Variants in ITGBL1 observed in about 807,000 individuals in gnomAD.
The protein encoded by ITGBL1 is integrin subunit beta like 1.
In ITGBL1, 51 loss-of-function variants were observed where a neutral mutation model predicts 68.5. The observed-to-expected ratio is 0.74, with a 90% CI of 0.59 to 0.94. The LOEUF (loss-of-function observed/expected upper bound fraction) is 0.94. Among genes scored for constraint, ITGBL1 ranks in the 40% least tolerant of loss-of-function variants. The pLI, the probability that ITGBL1 is intolerant of heterozygous loss-of-function variation, is 0.00. For missense variants in ITGBL1, 649 were observed against 647.4 expected (o/e 1.00, Z -0.03); for synonymous variants, 209 against 227.3 (o/e 0.92, Z 0.72).
chr13:101,632,143 C>CTATA (rs1343579520), intron 7 of ITGBL1, among the ~76,000 whole-genome samples: 1 of 148,556 alleles, frequency 6.7e-6, no homozygotes, highest in African/African-American at 2.6e-5. Flanking sequence ...CTCTCTCTCT[C>CTATA]TCTCTCTATA....
chr13:101,461,631 G>T (rs2048319807), intron 2 of ITGBL1, among the ~76,000 whole-genome samples: 1 of 152,122 alleles, frequency 6.6e-6, no homozygotes, highest in Non-Finnish European at 1.5e-5. Context: ...GGAGATTGAG[G>T]CTGCAGTGAG....
At chr13:101,570,281 G>T (rs1017031654) in intron 3 of ITGBL1, among the ~76,000 whole-genome samples, 5 of 152,056 alleles carry the variant, frequency 3.3e-5, no homozygotes, top group Non-Finnish European at 7.4e-5. Context: ...TAGCTTTTGT[G>T]TTTTTGTGAC....
At chr13:101,490,089 C>T (rs978005154) in intron 2 of ITGBL1, 4 of 813,386 alleles carry the variant, frequency 4.9e-6, no homozygotes, top group African/African-American at 3.4e-5. Context: ...GAAATTCTAA[C>T]CCCCAGTGTG....
intron 8 of ITGBL1, among the ~76,000 whole-genome samples, chr13:101,705,371 C>T (rs2034238515): frequency 1.3e-5 from 2 of 151,500 alleles, no homozygotes; most frequent in African/African-American, 4.9e-5. Flanking sequence ...CTGCTTACCT[C>T]TCAGTGATCA....
chr13:101,689,208 G>A (rs1229574632), intron 7 of ITGBL1, among the ~76,000 whole-genome samples: 39 of 9,720 alleles, frequency 4.0e-3, no homozygotes, highest in Non-Finnish European at 5.7e-4. Flanking sequence ...GCAAGACTCT[G>A]CCTAAAAAAA....
At position 101,630,473 on chromosome 13, in the gene ITGBL1, A is replaced by G. The variant is rs112937141; in HGVS notation, c.1015+32174A>G. Among the ~76,000 whole-genome samples, 529 of 152,298 alleles carry G rather than the reference A, an allele frequency of 3.5e-3. 5 individuals are homozygous for G. The highest frequency in any genetic ancestry group is 0.012 in the African/African-American group (497 of 41,574). ...TGAATCTCTTAATTGATCTACCCAC[A>G]GAGCATGGTAAGTTGTTTCTAACTT... On this transcript the variant is annotated intron_variant, in intron 7 of 10. Coordinates refer to ENST00000376180, the MANE Select transcript of ITGBL1 (RefSeq NM_004791.3).
chr13:101,596,884 TGAAAA>T (rs2030004913), intron 6 of ITGBL1, among the ~76,000 whole-genome samples: 3 of 152,090 alleles, frequency 2.0e-5, no homozygotes, highest in Admixed American at 2.0e-4. Context: ...TGGAGGACAG[TGAAAA>T]GATCAGGTTG....
intron 2 of ITGBL1, among the ~76,000 whole-genome samples, chr13:101,463,711 G>C (rs1228494984): frequency 6.6e-6 from 1 of 151,928 alleles, no homozygotes; most frequent in African/African-American, 2.4e-5. Flanking sequence ...ATCCCAAATA[G>C]GTTGATCCCA....
At chr13:101,629,911 A>C (rs1594941117) in intron 7 of ITGBL1, among the ~76,000 whole-genome samples, 1 of 151,998 alleles carries the variant, frequency 6.6e-6, no homozygotes, top group East Asian at 1.9e-4. Flanking sequence ...CAACCTCTGC[A>C]TCCAAGGTTC....
chr13:101,505,024 G>A (rs969331588), intron 2 of ITGBL1, among the ~76,000 whole-genome samples: 2 of 152,136 alleles, frequency 1.3e-5, no homozygotes, highest in Admixed American at 6.6e-5. Context: ...ATACTGAGGC[G>A]TTTTGGGTGT....
intron 7 of ITGBL1, among the ~76,000 whole-genome samples, chr13:101,670,223 T>G (rs2139500338): frequency 6.6e-6 from 1 of 152,384 alleles, no homozygotes; most frequent in Non-Finnish European, 1.5e-5. Flanking sequence ...TCTTGTTTAC[T>G]TCTATGATAT....
At chr13:101,480,879 A>G (rs893509311) in intron 2 of ITGBL1, among the ~76,000 whole-genome samples, 2 of 151,910 alleles carry the variant, frequency 1.3e-5, no homozygotes, top group African/African-American at 4.8e-5. Context: ...CAAAATTTTA[A>G]GGTAGGATAT....
intron 7 of ITGBL1, among the ~76,000 whole-genome samples, chr13:101,665,763 A>T (rs1044707267): frequency 6.6e-6 from 1 of 152,198 alleles, no homozygotes; most frequent in African/African-American, 2.4e-5. Context: ...TACAAAAAAA[A>T]GTGGGGAATA....
intron 4 of ITGBL1, 101 bp from the exon 5 acceptor site, chr13:101,579,186 A>C: frequency 1.6e-6 from 2 of 1,223,192 alleles, no homozygotes; most frequent in East Asian, 4.7e-5. Flanking sequence ...GAGCTGTGAC[A>C]GTATTTCAGA....
At chr13:101,501,759 T>C (rs1464141336) in intron 2 of ITGBL1, among the ~76,000 whole-genome samples, 1 of 152,148 alleles carries the variant, frequency 6.6e-6, no homozygotes, top group Non-Finnish European at 1.5e-5. Flanking sequence ...ATGTTGATTG[T>C]TGTGTTCCCA....
At chr13:101,602,690 A>G (rs528653637) in intron 7 of ITGBL1, among the ~76,000 whole-genome samples, 4 of 152,098 alleles carry the variant, frequency 2.6e-5, no homozygotes, top group South Asian at 2.1e-4. Context: ...AAAGTTTATC[A>G]TCATAAAATA....
intron 2 of ITGBL1, among the ~76,000 whole-genome samples, chr13:101,496,970 A>G (rs981445045): frequency 5.9e-5 from 9 of 152,206 alleles, no homozygotes; most frequent in Non-Finnish European, 8.8e-5. Context: ...TCAGGCATGT[A>G]GATCATAGTA....
At chr13:101,581,121 T>C (rs2050450555) in intron 5 of ITGBL1, among the ~76,000 whole-genome samples, 1 of 152,168 alleles carries the variant, frequency 6.6e-6, no homozygotes, top group African/African-American at 2.4e-5. Flanking sequence ...TATCTTGTCT[T>C]CCTTTTTCCC....
In ITGBL1 at chr13:101,705,306, A is replaced by AC. The variant is rs1181291944; in HGVS notation, c.1133-1450_1133-1449insC. ...AATTTAAAAAGCAAAAAAAAAAAAA[A>AC]AAACAACAACAACAAAAAAAAATAG... is the stretch of plus-strand genomic sequence containing the variant. On this transcript the variant is annotated intron_variant, in intron 8 of 10. Transcript: ENST00000376180. Among the ~76,000 whole-genome samples, 651 of 149,122 alleles carry AC rather than the reference A, an allele frequency of 4.4e-3. 2 individuals carry two copies. The highest frequency in any genetic ancestry group is 7.3e-3 in the Non-Finnish European group (494 of 67,482).
Sources: allele counts gnomAD v4.1 joint callset (sites outside exome capture counted in the v4.1 genomes callset), GRCh38; gene constraint gnomAD v4.1.1; transcripts MANE v1.5; gene names NCBI Gene and HGNC (gene_info 2026-07-23, HGNC 2026-07-21).